WWOX: variants seen among roughly 807,000 people sequenced by gnomAD.
The protein encoded by WWOX is WW domain containing oxidoreductase, also known as WW domain-containing oxidoreductase.
In WWOX, 69 loss-of-function variants were observed where a neutral mutation model predicts 46.2. That is an observed-to-expected ratio of 1.49 (90% confidence interval 1.23 to 1.82). The LOEUF is 1.82. Among genes scored for constraint, WWOX ranks in the 40% most tolerant of loss-of-function variants. WWOX has a pLI of 0.00. For synonymous variants in WWOX, 359 were observed against 202.6 expected, an observed-to-expected ratio of 1.77 and a Z score of -6.56; for missense variants, 919 against 542.6, an observed-to-expected ratio of 1.69 and a Z score of -6.89.
At chr16:78,849,312 T>A (rs1453858903) in intron 8 of WWOX, among the ~76,000 whole-genome samples, 1 of 152,102 alleles carries the variant, frequency 6.6e-6, no homozygotes, top group Non-Finnish European at 1.5e-5. Flanking sequence ...GGCTCATGCC[T>A]GTAATCCCAG....
At chr16:78,442,413 C>T (rs373244797) in intron 8 of WWOX, among the ~76,000 whole-genome samples, 149 of 152,130 alleles carry the variant, frequency 9.8e-4, no homozygotes, top group African/African-American at 3.3e-3. Context: ...ACTTAGGATC[C>T]TTTGACCACT....
chr16:78,868,348 C>G (rs2044051310), intron 8 of WWOX, among the ~76,000 whole-genome samples: 1 of 151,620 alleles, frequency 6.6e-6, no homozygotes, highest in African/African-American at 2.4e-5. Context: ...AGACAGCAAA[C>G]AGAATGATGG....
chr16:78,435,193 C>T (rs1459655202), intron 8 of WWOX, among the ~76,000 whole-genome samples: 1 of 152,048 alleles, frequency 6.6e-6, no homozygotes, highest in Non-Finnish European at 1.5e-5. Context: ...AGAGGGACTA[C>T]CATGTCGGGG....
At chr16:78,697,308 G>C (rs368560092) in intron 8 of WWOX, among the ~76,000 whole-genome samples, 5 of 152,218 alleles carry the variant, frequency 3.3e-5, no homozygotes, top group African/African-American at 1.2e-4. Context: ...CCTGCTCACC[G>C]CATTCACGCC....
chr16:79,210,063 C>T (rs2051667990), intron 8 of WWOX, among the ~76,000 whole-genome samples: 2 of 152,176 alleles, frequency 1.3e-5, no homozygotes, highest in African/African-American at 4.8e-5. Flanking sequence ...AATTCAGGAC[C>T]AGTGGAACTT....
At chr16:78,980,129 A>T (rs2046652347) in intron 8 of WWOX, among the ~76,000 whole-genome samples, 1 of 152,172 alleles carries the variant, frequency 6.6e-6, no homozygotes, top group East Asian at 1.9e-4. Context: ...CTCCATCTCA[A>T]ATCAATCAAC....
chr16:78,993,963 C>A lies in WWOX; in HGVS notation c.1057-217645C>A, dbSNP rs570642724. ...GAACAGTGTGGCATTGTTCCCTGGG[C>A]AAGCCAACAGCTCAGCCCTGTCCTA... On this transcript the variant is annotated intron_variant, in intron 8 of 8. Transcript: ENST00000566780. Among the ~76,000 whole-genome samples, 191 of 152,264 alleles carry A rather than the reference C, an allele frequency of 1.3e-3. 1 individual carries two copies. Among genetic ancestry groups the A allele is most frequent in the Non-Finnish European group, 2.1e-3 (140 of 68,010 alleles).
At chr16:78,506,190 C>T (rs899585229) in intron 8 of WWOX, among the ~76,000 whole-genome samples, 1 of 152,128 alleles carries the variant, frequency 6.6e-6, no homozygotes, top group African/African-American at 2.4e-5. Flanking sequence ...CGGAGGCAGC[C>T]CTCCAAACAT....
intron 8 of WWOX, among the ~76,000 whole-genome samples, chr16:79,064,732 G>A (rs989740134): frequency 6.6e-6 from 1 of 152,192 alleles, no homozygotes; most frequent in Non-Finnish European, 1.5e-5. Context: ...CAATTCATGG[G>A]CTACTATTCC....
intron 8 of WWOX, among the ~76,000 whole-genome samples, chr16:78,791,660 C>T (rs558999571): frequency 6.6e-6 from 1 of 152,042 alleles, no homozygotes; most frequent in African/African-American, 2.4e-5. Context: ...GGTGGATCAC[C>T]TGAGGTCAGA....
chr16:78,511,223 C>T (rs1045461989), intron 8 of WWOX, among the ~76,000 whole-genome samples: 8 of 152,294 alleles, frequency 5.3e-5, no homozygotes, highest in East Asian at 3.9e-4. Context: ...GTTACCTCCC[C>T]CTCCCCAGCG....
intron 8 of WWOX, among the ~76,000 whole-genome samples, chr16:78,561,759 C>G (rs1277074269): frequency 6.6e-6 from 1 of 152,182 alleles, no homozygotes; most frequent in African/African-American, 2.4e-5. Flanking sequence ...GCAGACACGG[C>G]TTCACCTGTG....
At chr16:79,104,746 A>C (rs1003180320) in intron 8 of WWOX, among the ~76,000 whole-genome samples, 2 of 152,208 alleles carry the variant, frequency 1.3e-5, no homozygotes, top group African/African-American at 4.8e-5. Flanking sequence ...CTTTTCAGAG[A>C]GTCATTTGGA....
chr16:78,325,010 C>T (rs61539374), intron 5 of WWOX, among the ~76,000 whole-genome samples: 18,881 of 152,206 alleles, frequency 0.12, 1,508 homozygotes, highest in East Asian at 0.24. Context: ...GCCCGAGCTG[C>T]TCATGGGCAC....
chr16:78,445,001 C>T (rs578214874), intron 8 of WWOX, among the ~76,000 whole-genome samples: 2 of 151,606 alleles, frequency 1.3e-5, no homozygotes, highest in Admixed American at 6.6e-5. Flanking sequence ...GTGTGTGTTT[C>T]GGATCCCAGG....
At chr16:78,746,925 C>G (rs1016201782) in intron 8 of WWOX, among the ~76,000 whole-genome samples, 1 of 152,052 alleles carries the variant, frequency 6.6e-6, no homozygotes, top group Admixed American at 6.6e-5. Flanking sequence ...TACACCACTC[C>G]CCATCCCTAG....
intron 8 of WWOX, among the ~76,000 whole-genome samples, chr16:78,967,459 G>GTTTTTTTT (rs57576563): frequency 1.0e-5 from 1 of 98,348 alleles, no homozygotes. Context: ...AATTTTTGTG[G>GTTTTTTTT]TTTTTTTTTT....
intron 8 of WWOX, among the ~76,000 whole-genome samples, chr16:78,888,931 T>G (rs1025170838): frequency 1.3e-5 from 2 of 150,916 alleles, no homozygotes; most frequent in African/African-American, 5.0e-5. Context: ...CTTCTCCTTT[T>G]TCCCCAAGCC....
At chr16:78,537,224 A>T (rs1482083783) in intron 8 of WWOX, among the ~76,000 whole-genome samples, 3 of 152,090 alleles carry the variant, frequency 2.0e-5, no homozygotes, top group African/African-American at 7.2e-5. Flanking sequence ...GCCAGAGTCA[A>T]GTATTTCAAG....
Sources: gnomAD v4.1 joint callset for allele counts (sites outside exome capture counted in the v4.1 genomes callset) on GRCh38, gnomAD v4.1.1 for gene constraint, MANE v1.5 for transcripts, NCBI Gene and HGNC (gene_info 2026-07-23, HGNC 2026-07-21) for gene names.